SBF2: variants seen among roughly 807,000 people sequenced by gnomAD.
SBF2 encodes the protein myotubularin-related protein 13.
In SBF2, 112 loss-of-function variants were observed where a neutral mutation model predicts 225.2. The ratio of observed to expected loss-of-function variants is 0.50; its 90% confidence interval spans 0.43 to 0.58. SBF2 has a LOEUF of 0.58. Ranked by LOEUF, SBF2 falls within the 20% of genes least tolerant of loss-of-function variation. SBF2 has a pLI of 0.00. For missense variants in SBF2, 1,996 were observed against 2,206.2 expected, an observed-to-expected ratio of 0.90 and a Z score of 1.91; for synonymous variants, 763 against 773.3, an observed-to-expected ratio of 0.99 and a Z score of 0.22.
At chr11:9,985,902 T>G (rs868056336) in intron 13 of SBF2, among the ~76,000 whole-genome samples, 1 of 152,184 alleles carries the variant, frequency 6.6e-6, no homozygotes, top group South Asian at 2.1e-4. Flanking sequence ...AAAGAAACAA[T>G]GGATTTAAAC....
In SBF2 at chr11:9,856,630, T is replaced by C. The variant is rs200630878; in HGVS notation, c.2191A>G (p.Thr731Ala). 4.3e-6 allele frequency: 7 copies of C among 1,614,150 alleles called. No homozygotes were observed. Among genetic ancestry groups the C allele is most frequent in the Admixed American group, 1.7e-5 (1 of 60,010 alleles). The part of the protein sequence containing the change: ...LRLWPTLSKS[T>A]QQELVQHEES... ...TCATGTTGCACTAGCTCTTGCTGAG[T>C]TGACTTGCTCAGGGTAGGCCAAAGG... Residue 731 changes from threonine (T) to alanine (A), a missense_variant, in exon 19 of 40, where the codon ACT (threonine) becomes GCT (alanine). By Grantham distance (58) the Thr-to-Ala change is moderately conservative. Coordinates refer to ENST00000256190, the MANE Select transcript of SBF2 (RefSeq NM_030962.4).
At chr11:9,911,420 T>C (rs1032382157) in intron 16 of SBF2, among the ~76,000 whole-genome samples, 4 of 151,548 alleles carry the variant, frequency 2.6e-5, no homozygotes, top group African/African-American at 9.7e-5. Flanking sequence ...TATAAAGATA[T>C]AATGAAAGAA....
upstream of SBF2, among the ~76,000 whole-genome samples, chr11:10,296,492 G>A (rs914640310): frequency 2.0e-5 from 3 of 151,974 alleles, no homozygotes; most frequent in South Asian, 2.1e-4. Flanking sequence ...AGAAAGACCC[G>A]CCCCCATGAT....
At position 9,789,267 on chromosome 11, in the gene SBF2, G is replaced by A. The variant is rs552170470; in HGVS notation, c.4774C>T (p.Pro1592Ser). The A allele has an allele frequency of 1.2e-6, 2 of 1,614,118 alleles. No homozygotes were observed. The highest frequency in any genetic ancestry group is 2.2e-5 in the South Asian group (2 of 91,076). Residue 1592 changes from proline to serine, a missense_variant, in exon 35 of 40, where the codon CCT (proline) becomes TCT (serine). Coordinates refer to ENST00000256190, the MANE Select transcript of SBF2 (RefSeq NM_030962.4). ...YYIEETLSTG[P>S]SYDWMMLTPK... ...GTTAGCATCATCCAGTCATAGGAAG[G>A]GCCTGTGGACAGGGTCTCTTCTATG...
intron 6 of SBF2, among the ~76,000 whole-genome samples, chr11:10,026,140 C>T (rs16907396): frequency 0.1 from 15,424 of 151,522 alleles, 1,011 homozygotes; most frequent in Middle Eastern, 0.24. Flanking sequence ...GTCCTTGACG[C>T]TAAATGCTGG....
chr11:9,820,229 T>C (rs1210857215), intron 28 of SBF2, among the ~76,000 whole-genome samples: 2 of 152,172 alleles, frequency 1.3e-5, no homozygotes, highest in Admixed American at 6.5e-5. Flanking sequence ...CAAAAGTGTA[T>C]AACATATGAC....
chr11:10,010,102 T>C (rs572432699), intron 6 of SBF2, among the ~76,000 whole-genome samples: 1 of 152,320 alleles, frequency 6.6e-6, no homozygotes, highest in East Asian at 1.9e-4. Context: ...AGGTTGTTTT[T>C]TTCTTGTAAA....
chr11:10,036,143 C>A (rs764340421), intron 3 of SBF2, among the ~76,000 whole-genome samples: 2 of 152,148 alleles, frequency 1.3e-5, no homozygotes, highest in African/African-American at 2.4e-5. Flanking sequence ...CCATAATTCT[C>A]GGCAAACTAA....
intron 16 of SBF2, among the ~76,000 whole-genome samples, chr11:9,936,900 A>T (rs183040699): frequency 6.6e-6 from 1 of 151,978 alleles, no homozygotes; most frequent in Non-Finnish European, 1.5e-5. Context: ...TGAGAGCAAG[A>T]ACTCCTTTAC....
intron 1 of SBF2, among the ~76,000 whole-genome samples, chr11:10,245,570 C>A (rs1959704761): frequency 6.6e-6 from 1 of 152,108 alleles, no homozygotes; most frequent in Admixed American, 6.5e-5. Flanking sequence ...GGTGCAGCCA[C>A]TATAAGAAAT....
intron 2 of SBF2, among the ~76,000 whole-genome samples, chr11:10,170,369 T>C (rs183935646): frequency 6.6e-6 from 1 of 152,262 alleles, no homozygotes; most frequent in East Asian, 1.9e-4. Context: ...TTCAGCACCA[T>C]TTACTGAAGA....
At chr11:9,851,389 A>G (rs1194722949) in intron 21 of SBF2, among the ~76,000 whole-genome samples, 1 of 152,180 alleles carries the variant, frequency 6.6e-6, no homozygotes, top group Non-Finnish European at 1.5e-5. Flanking sequence ...TACAAAGAAC[A>G]TTATTACTTT....
intron 1 of SBF2, among the ~76,000 whole-genome samples, chr11:10,231,648 T>C (rs912150437): frequency 2.0e-5 from 3 of 152,228 alleles, no homozygotes; most frequent in Non-Finnish European, 4.4e-5. Context: ...CAAATGCTGC[T>C]GCCTGATCGT....
intron 1 of SBF2, among the ~76,000 whole-genome samples, chr11:10,237,233 G>A (rs1026370930): frequency 5.9e-5 from 9 of 152,140 alleles, no homozygotes; most frequent in African/African-American, 1.9e-4. Context: ...TGTTATCCCA[G>A]CTATTTGGGA....
chr11:10,141,806 A>G (rs1363643746), intron 2 of SBF2, among the ~76,000 whole-genome samples: 1 of 152,166 alleles, frequency 6.6e-6, no homozygotes, highest in African/African-American at 2.4e-5. Context: ...ATAATCTTAA[A>G]AGCAGTCACC....
chr11:9,855,990 C>T (rs1018491673), intron 19 of SBF2, among the ~76,000 whole-genome samples: 1 of 152,154 alleles, frequency 6.6e-6, no homozygotes, highest in African/African-American at 2.4e-5. Context: ...GGACGGATTC[C>T]GTTAGGCCTT....
At chr11:9,918,430 G>A (rs1276262108) in intron 16 of SBF2, among the ~76,000 whole-genome samples, 1 of 152,020 alleles carries the variant, frequency 6.6e-6, no homozygotes, top group Non-Finnish European at 1.5e-5. Flanking sequence ...ATGGCTCACT[G>A]CAGCCTTGAA....
At chr11:10,230,135 T>C (rs1159552149) in intron 1 of SBF2, among the ~76,000 whole-genome samples, 6 of 152,248 alleles carry the variant, frequency 3.9e-5, no homozygotes, top group East Asian at 1.9e-4. Flanking sequence ...AGGATTGCAA[T>C]CCCTGCCTTT....
intron 1 of SBF2, among the ~76,000 whole-genome samples, chr11:10,255,341 AAC>A (rs1285210624): frequency 2.0e-5 from 3 of 152,234 alleles, no homozygotes; most frequent in Non-Finnish European, 4.4e-5. Flanking sequence ...GTACATGATA[AAC>A]ACACATAAAT....
Sources: gnomAD v4.1 joint callset for allele counts (sites outside exome capture counted in the v4.1 genomes callset) on GRCh38, gnomAD v4.1.1 for gene constraint, MANE v1.5 for transcripts, NCBI Gene and HGNC (gene_info 2026-07-23, HGNC 2026-07-21) for gene names.